Variants in SNX25 observed in about 807,000 individuals in gnomAD.
SNX25 encodes the protein sorting nexin-25.
Under a neutral mutation model 113.7 loss-of-function variants are expected in SNX25, and 62 were observed. That is an observed-to-expected ratio of 0.55 (90% CI 0.44 to 0.67). The LOEUF is 0.67. Ranked by LOEUF, SNX25 falls within the 30% of genes least tolerant of loss-of-function variation. The pLI is 0.00. For synonymous variants in SNX25, 421 were observed against 436.2 expected, an observed-to-expected ratio of 0.97 and a Z score of 0.43; for missense variants, 1,014 against 1,161.0, an observed-to-expected ratio of 0.87 and a Z score of 1.84.
At chr4:185,308,301 C>G (rs1251004293) in intron 6 of SNX25, among the ~76,000 whole-genome samples, 4 of 152,166 alleles carry the variant, frequency 2.6e-5, no homozygotes, top group Admixed American at 6.5e-5. Context: ...AACATTGTTA[C>G]TGGTTTTAAA....
Position 185,340,607 on chromosome 4 carries a change from A to T in SNX25, c.2046+1097A>T, listed in dbSNP as rs562162041. Reference sequence around the variant, plus strand: ...AAGGTAATGGACTCAGGGGAATGTAATGGCAAAAGCTGCTACAAGAGGCTG... The same window carrying T: ...AAGGTAATGGACTCAGGGGAATGTATTGGCAAAAGCTGCTACAAGAGGCTG... On this transcript the variant is annotated intron_variant, in intron 11 of 18. Transcript: ENST00000652585. Among the ~76,000 whole-genome samples the T allele has an allele frequency of 2.0e-5, 3 of 152,306 alleles. No individual in the cohort carries two copies. The East Asian group carries it at 5.8e-4, about 29-fold the overall frequency.
chr4:185,215,397 G>A (rs576441455), intron 1 of SNX25, among the ~76,000 whole-genome samples: 1 of 152,330 alleles, frequency 6.6e-6, no homozygotes, highest in East Asian at 1.9e-4. Flanking sequence ...GAGACAGACA[G>A]TAAACACATT....
At chr4:185,317,893 G>C (rs899040083) in intron 7 of SNX25, among the ~76,000 whole-genome samples, 1 of 152,058 alleles carries the variant, frequency 6.6e-6, no homozygotes, top group African/African-American at 2.4e-5. Context: ...CATGGCACAT[G>C]TATACCAGAA....
At chr4:185,235,531 C>T (rs1423528020) in intron 1 of SNX25, among the ~76,000 whole-genome samples, 2 of 152,226 alleles carry the variant, frequency 1.3e-5, no homozygotes, top group African/African-American at 4.8e-5. Flanking sequence ...GCCAGAAAAG[C>T]TGAGAGTACC....
intron 2 of SNX25, among the ~76,000 whole-genome samples, chr4:185,255,095 G>C (rs763211407): frequency 2.6e-5 from 4 of 151,808 alleles, no homozygotes; most frequent in Admixed American, 6.6e-5. Context: ...TAGTTTATAT[G>C]GTTATATAAT....
intron 9 of SNX25, among the ~76,000 whole-genome samples, chr4:185,327,063 TAA>T (rs2095161920): frequency 6.6e-6 from 1 of 152,240 alleles, no homozygotes; most frequent in Non-Finnish European, 1.5e-5. Context: ...TTAATCTAGG[TAA>T]AAATCCACAT....
intron 2 of SNX25, among the ~76,000 whole-genome samples, chr4:185,252,293 T>A (rs1045737289): frequency 4.6e-5 from 7 of 152,314 alleles, no homozygotes; most frequent in African/African-American, 1.7e-4. Flanking sequence ...CTTTAGTGGT[T>A]ATAATTTGCA....
At chr4:185,282,310 C>T (rs867582451) in intron 5 of SNX25, among the ~76,000 whole-genome samples, 7 of 152,096 alleles carry the variant, frequency 4.6e-5, no homozygotes, top group Middle Eastern at 3.4e-3. Flanking sequence ...TGCAGGCACC[C>T]GCCACCATGT....
intron 1 of SNX25, among the ~76,000 whole-genome samples, chr4:185,226,350 CACTT>C (rs1740995531): frequency 6.6e-6 from 1 of 152,208 alleles, no homozygotes; most frequent in Admixed American, 6.5e-5. Flanking sequence ...GATTCATTAA[CACTT>C]AGTTCTGGGA....
At chr4:185,259,264 A>G (rs1746897989) in intron 3 of SNX25, among the ~76,000 whole-genome samples, 200 bp downstream of exon 3, 1 of 152,144 alleles carries the variant, frequency 6.6e-6, no homozygotes, top group Non-Finnish European at 1.5e-5. Flanking sequence ...CACTTTATAA[A>G]TACAATTAAT....
chr4:185,236,962 G>A (rs1169573328), intron 1 of SNX25, among the ~76,000 whole-genome samples: 1 of 152,184 alleles, frequency 6.6e-6, no homozygotes, highest in Non-Finnish European at 1.5e-5. Flanking sequence ...TTATGAGTCA[G>A]TTTAATTCCT....
chr4:185,229,854 G>T (rs565629289), intron 1 of SNX25, among the ~76,000 whole-genome samples: 2 of 152,068 alleles, frequency 1.3e-5, no homozygotes, highest in African/African-American at 2.4e-5. Flanking sequence ...TAGAGACAGG[G>T]TCTCACTCCT....
chr4:185,354,023 A>T (rs531001773), intron 15 of SNX25, among the ~76,000 whole-genome samples: 1 of 151,192 alleles, frequency 6.6e-6, no homozygotes, highest in South Asian at 2.1e-4. Flanking sequence ...CAGCCTGGGT[A>T]ACAGCGAGAC....
intron 1 of SNX25, among the ~76,000 whole-genome samples, chr4:185,216,468 A>G (rs1038486489): frequency 2.0e-5 from 3 of 152,066 alleles, no homozygotes; most frequent in African/African-American, 7.2e-5. Context: ...GACAAAAAAC[A>G]ATGCTAATCA....
intron 2 of SNX25, among the ~76,000 whole-genome samples, chr4:185,253,625 C>A (rs537543088): frequency 6.6e-6 from 1 of 152,000 alleles, no homozygotes; most frequent in Non-Finnish European, 1.5e-5. Flanking sequence ...TGAGCTACCA[C>A]GCCCGGCTAA....
chr4:185,210,394 GC>G lies in SNX25; in HGVS notation c.429+142del. On this transcript the variant is annotated intron_variant, in intron 1 of 18. Transcript: ENST00000652585. This position sits in a 1 kb window ranked among gnomAD's most constrained non-coding sequence, Gnocchi z 4.4. ...CGGGAGCCAGGGGGCTGGGCTGCGG[GC>G]CCGGCCGTGGACGCGAGCGTTCCCC... The G allele has an allele frequency of 1.2e-6, 1 of 852,178 alleles. No homozygotes were observed. The allele number at this position is 852,178 out of a possible 1,614,324, so 52.8% of individuals were successfully genotyped here.
rs956366824 is a variant in SNX25 at position 185,209,975 on chromosome 4, G to T, written c.149G>T (p.Gly50Val). The T allele has an allele frequency of 1.0e-6, 1 of 983,532 alleles. No individual in the cohort carries two copies. The highest frequency in any genetic ancestry group is 1.8e-5 in the African/African-American group (1 of 56,970). The allele number at this position is 983,532 out of a possible 1,614,324, so 60.9% of individuals were successfully genotyped here. A position where few individuals can be genotyped will look rare whatever the true frequency, so the allele number is the denominator to read the frequency against. ...DAEAAAAAAPGAPGGRSWWKP... is the reference protein window; with the variant it reads ...DAEAAAAAAPVAPGGRSWWKP... ...GAGGCAGCAGCAGCGGCGGCGCCGG[G>T]GGCCCCGGGCGGCCGGAGCTGGTGG... The change falls in exon 1 of 19, where the codon GGG becomes GTG. Residue 50 changes from glycine to valine, a missense_variant. By Grantham distance (109) the Gly-to-Val change is moderately radical (BLOSUM62 -3). Coordinates refer to ENST00000652585, the MANE Select transcript of SNX25 (RefSeq NM_001378034.2). The surrounding 1 kb of genome is among the most constrained non-coding windows in gnomAD (Gnocchi z 5.2).
chr4:185,212,491 G>GTGTGTTTCTGT (rs546083196), intron 1 of SNX25, among the ~76,000 whole-genome samples: 1 of 104,944 alleles, frequency 9.5e-6, no homozygotes, highest in African/African-American at 3.7e-5. Flanking sequence ...GTGTGTGTGT[G>GTGTGTTTCTGT]TTTTTTTTTT....
intron 17 of SNX25, 77 bp from the exon 18 acceptor site, chr4:185,362,531 ATGT>A (rs2095369839): frequency 2.2e-6 from 3 of 1,363,252 alleles, no homozygotes; most frequent in Middle Eastern, 1.9e-4. Context: ...AAGGTGTATA[ATGT>A]TGTATTCCTT....
Sources: gnomAD v4.1 joint callset for allele counts (sites outside exome capture counted in the v4.1 genomes callset) on GRCh38, gnomAD v4.1.1 for gene constraint, Gnocchi (gnomAD v3.1) non-coding constraint, MANE v1.5 for transcripts, NCBI Gene and HGNC (gene_info 2026-07-23, HGNC 2026-07-21) for gene names.